KCNQ1: variants seen among roughly 807,000 people sequenced by gnomAD.
KCNQ1 encodes the protein potassium voltage-gated channel subfamily KQT member 1.
KCNQ1 carries 49 observed loss-of-function variants against 72.4 expected under a neutral mutation model. The ratio of observed to expected loss-of-function variants is 0.68; its 90% confidence interval spans 0.54 to 0.86. The LOEUF (loss-of-function observed/expected upper bound fraction) is 0.86, where lower values mean the gene tolerates loss of function less well. Ranked by LOEUF, KCNQ1 falls within the 40% of genes least tolerant of loss-of-function variation. KCNQ1 has a pLI of 0.00. For missense variants in KCNQ1, 790 were observed against 945.1 expected (o/e 0.84, Z 2.15); for synonymous variants, 450 against 412.6 (o/e 1.09, Z -1.10).
At chr11:2,675,298 C>T (rs1159678310) in intron 11 of KCNQ1, 1 of 398,342 alleles carries the variant, frequency 2.5e-6, no homozygotes, top group Non-Finnish European at 4.4e-6. Flanking sequence ...AGAGTTTTGG[C>T]AATATAAAAC....
At chr11:2,649,619 A>G in intron 10 of KCNQ1, 1 of 398,586 alleles carries the variant, frequency 2.5e-6, no homozygotes, top group East Asian at 3.6e-5. Context: ...AGCACTTTTA[A>G]TATGGCATTC....
intron 1 of KCNQ1, among the ~76,000 whole-genome samples, chr11:2,472,733 G>A (rs1589899752): frequency 2.0e-5 from 3 of 152,212 alleles, no homozygotes; most frequent in Non-Finnish European, 1.5e-5. Context: ...CCTGCCCATT[G>A]TCAGGCTCCT....
At chr11:2,744,722 G>T (rs148316206) in intron 11 of KCNQ1, among the ~76,000 whole-genome samples, 2 of 152,190 alleles carry the variant, frequency 1.3e-5, no homozygotes, top group Non-Finnish European at 1.5e-5. Flanking sequence ...CCTTGGCCTC[G>T]TCACATGTGC....
chr11:2,446,100 TCTCA>T lies in KCNQ1; in HGVS notation c.386+619_386+622del, dbSNP rs1471940499. Reference sequence around the variant, plus strand: ...GAGAGCGGAGAGGCACGTTTGCAGCTCTCACTAAGAGGCAGCTGTGCTCCCGGAG... The same window carrying T: ...GAGAGCGGAGAGGCACGTTTGCAGCTCTAAGAGGCAGCTGTGCTCCCGGAG... On this transcript the variant is annotated intron_variant, in intron 1 of 15. Transcript: ENST00000155840. The surrounding 1 kb of genome is among the most constrained non-coding windows in gnomAD (Gnocchi z 8.8). 3.3e-5 allele frequency among the ~76,000 whole-genome samples: 5 copies of T among 152,148 alleles called. No individual in the cohort carries two copies. Among genetic ancestry groups the T allele is most frequent in the East Asian group, 1.9e-4 (1 of 5,168 alleles).
Position 2,478,234 on chromosome 11 carries a change from A to G in KCNQ1, c.386+32750A>G, listed in dbSNP as rs1279589609. ...AATACTTTGAAAATGCCAGGGCCAA[A>G]AAACGTAGAAGGCTAAATAAAGTAC... On this transcript the variant is annotated intron_variant, in intron 1 of 15. Transcript: ENST00000155840. This position sits in a 1 kb window ranked among gnomAD's most constrained non-coding sequence, Gnocchi z 4.0. 6.6e-6 allele frequency among the ~76,000 whole-genome samples: 1 copy of G among 152,236 alleles called. No individual in the cohort carries two copies. The highest frequency in any genetic ancestry group is 1.5e-5 in the Non-Finnish European group (1 of 68,050).
At position 2,602,147 on chromosome 11, in the gene KCNQ1, G is replaced by A. The variant is rs1006998521; in HGVS notation, c.1393+13293G>A. On this transcript the variant is annotated intron_variant, in intron 10 of 15. Coordinates refer to ENST00000155840, the MANE Select transcript of KCNQ1 (RefSeq NM_000218.3). This position sits in a 1 kb window ranked among gnomAD's most constrained non-coding sequence, Gnocchi z 4.8. The stretch of plus-strand genomic sequence containing the variant: ...AGGAAGGGGTCACAAACCAAAGAAC[G>A]CTTCCAGAAGAAAAGGCAAGGAAAG... Among the ~76,000 whole-genome samples, 62 of 152,078 alleles carry A rather than the reference G, an allele frequency of 4.1e-4. No homozygotes were observed. The highest frequency in any genetic ancestry group is 4.4e-5 in the Non-Finnish European group (3 of 68,018).
In KCNQ1 at chr11:2,783,368, G is replaced by A. The variant is rs538572890; in HGVS notation, c.1794+5331G>A. Among the ~76,000 whole-genome samples the A allele has an allele frequency of 1.3e-5, 2 of 152,178 alleles. No individual in the cohort carries two copies. Among genetic ancestry groups the A allele is most frequent in the Admixed American group, 6.5e-5 (1 of 15,288 alleles). The stretch of plus-strand genomic sequence containing the variant: ...TTGAAATATGATTTACGGCAAAAAT[G>A]TGGTCAATTTTTGTAAATGTGCCTT... On this transcript the variant is annotated intron_variant, in intron 15 of 15. Coordinates refer to ENST00000155840, the MANE Select transcript of KCNQ1 (RefSeq NM_000218.3). The surrounding 1 kb of genome is among the most constrained non-coding windows in gnomAD (Gnocchi z 5.2).
At chr11:2,552,691 A>G (rs1454125727) in intron 2 of KCNQ1, among the ~76,000 whole-genome samples, 1 of 150,278 alleles carries the variant, frequency 6.7e-6, no homozygotes, top group African/African-American at 2.5e-5. Context: ...ATCCACGAAC[A>G]CGGTCTCTCT....
At chr11:2,552,734 G>A (rs564230358) in intron 2 of KCNQ1, among the ~76,000 whole-genome samples, 4 of 150,090 alleles carry the variant, frequency 2.7e-5, no homozygotes, top group Admixed American at 6.6e-5. Flanking sequence ...TAGTAATACC[G>A]AGTTTTCCGA....
At chr11:2,797,682 C>A (rs1220657161) in intron 15 of KCNQ1, among the ~76,000 whole-genome samples, 1 of 152,142 alleles carries the variant, frequency 6.6e-6, no homozygotes. Context: ...CCCTCCTCCT[C>A]CCCCGGGCCC....
rs1314508177 is a variant in KCNQ1, at chr11:2,817,198, G to C, written c.1795-30569G>C. Reference sequence around the variant, plus strand: ...GGGTTAACGGTGCAAGCTCCTCACGGCACCAGTGCGCTTGCCTTTGACATG... The same window carrying C: ...GGGTTAACGGTGCAAGCTCCTCACGCCACCAGTGCGCTTGCCTTTGACATG... On this transcript the variant is annotated intron_variant, in intron 15 of 15. Transcript: ENST00000155840. The surrounding 1 kb of genome is among the most constrained non-coding windows in gnomAD (Gnocchi z 6.1). 6.6e-6 allele frequency among the ~76,000 whole-genome samples: 1 copy of C among 152,224 alleles called. No homozygotes were observed. The highest frequency in any genetic ancestry group is 1.5e-5 in the Non-Finnish European group (1 of 68,038).
At chr11:2,744,325 ATGGGCTCACTGGCTGCACCAGCTTG>A (rs1219807274) in intron 11 of KCNQ1, among the ~76,000 whole-genome samples, 1 of 152,178 alleles carries the variant, frequency 6.6e-6, no homozygotes, top group Non-Finnish European at 1.5e-5. Context: ...CTGGCCCCTG[ATGGGCTCACTGGCTGCACCAGCTTG>A]TGTAGCAGCT....
chr11:2,823,059 A>T (rs1168712929), intron 15 of KCNQ1, among the ~76,000 whole-genome samples: 2 of 152,236 alleles, frequency 1.3e-5, no homozygotes, highest in Admixed American at 1.3e-4. Context: ...TGCTATTGGA[A>T]GTTCCAGAAA....
intron 10 of KCNQ1, among the ~76,000 whole-genome samples, chr11:2,591,864 C>T (rs1435106017): frequency 6.6e-6 from 1 of 152,232 alleles, no homozygotes; most frequent in Non-Finnish European, 1.5e-5. Flanking sequence ...TTGGCCTGGC[C>T]CCCAGGGACA....
chr11:2,724,082 G>A lies in KCNQ1; in HGVS notation c.1515-44762G>A, dbSNP rs1845718164. On this transcript the variant is annotated intron_variant, in intron 11 of 15. Coordinates refer to ENST00000155840, the MANE Select transcript of KCNQ1 (RefSeq NM_000218.3). The surrounding 1 kb of genome is among the most constrained non-coding windows in gnomAD (Gnocchi z 6.8). ...GCACACAGCCCCTCCGGTGGTGCCT[G>A]GGGGCCCAGGCTTTTGATAGAGAAT... 6.6e-6 allele frequency among the ~76,000 whole-genome samples: 1 copy of A among 152,154 alleles called. No individual in the cohort carries two copies. The highest frequency in any genetic ancestry group is 2.4e-5 in the African/African-American group (1 of 41,430).
chr11:2,535,388 C>T lies in KCNQ1; in HGVS notation c.477+7370C>T, dbSNP rs185511352. 1.5e-3 allele frequency among the ~76,000 whole-genome samples: 228 copies of T among 152,300 alleles called. 1 individual carries two copies. Among genetic ancestry groups the T allele is most frequent in the African/African-American group, 5.2e-3 (218 of 41,568 alleles). On this transcript the variant is annotated intron_variant, in intron 2 of 15. Coordinates refer to ENST00000155840, the MANE Select transcript of KCNQ1 (RefSeq NM_000218.3). ...GGGTCAGGGTCGACCCCTGATGTCC[C>T]GGCAAGAGTTCCAAGAACAAAGGCT...
intron 11 of KCNQ1, chr11:2,662,371 T>C (rs1366717333): frequency 1.8e-6 from 1 of 544,808 alleles, no homozygotes; most frequent in Non-Finnish European, 3.2e-6. Context: ...TGTTTTTCTC[T>C]CCCCCAGCCC....
In KCNQ1 at chr11:2,451,525, A is replaced by G. The variant is rs1404084248; in HGVS notation, c.386+6041A>G. On this transcript the variant is annotated intron_variant, in intron 1 of 15. Coordinates refer to ENST00000155840, the MANE Select transcript of KCNQ1 (RefSeq NM_000218.3). The surrounding 1 kb of genome is among the most constrained non-coding windows in gnomAD (Gnocchi z 6.4). The stretch of plus-strand genomic sequence containing the variant: ...GCCCTTGGAGGGTTCTGAGCACTGG[A>G]AGGACCTGGCTGTGGTCCCAGGCAC... 1.3e-5 allele frequency among the ~76,000 whole-genome samples: 2 copies of G among 152,260 alleles called. No individual in the cohort carries two copies. The highest frequency in any genetic ancestry group is 2.1e-4 in the South Asian group (1 of 4,826).
chr11:2,609,583 CTTCT>C lies in KCNQ1; in HGVS notation c.1393+20735_1393+20738del, dbSNP rs911734034. ...TCATATCTTCTGTTTCCTTATTGAT[CTTCT>C]TTCTTGTACTACACATTATTGAAAG... On this transcript the variant is annotated intron_variant, in intron 10 of 15. Transcript: ENST00000155840. 56 of 266,966 alleles carry C rather than the reference CTTCT, an allele frequency of 2.1e-4. No homozygotes were observed. The highest frequency in any genetic ancestry group is 1.6e-3 in the African/African-American group (49 of 30,734). The allele number at this position is 266,966 out of a possible 1,614,324, so 16.5% of individuals were successfully genotyped here. A position where few individuals can be genotyped will look rare whatever the true frequency, so the allele number is the denominator to read the frequency against.
Sources: allele counts gnomAD v4.1 joint callset (sites outside exome capture counted in the v4.1 genomes callset), GRCh38; gene constraint gnomAD v4.1.1; non-coding constraint Gnocchi (gnomAD v3.1); transcripts MANE v1.5; gene names NCBI Gene and HGNC (gene_info 2026-07-23, HGNC 2026-07-21).